ROBO1: variants seen among roughly 807,000 people sequenced by gnomAD.
ROBO1 encodes roundabout homolog 1.
ROBO1 carries 149 observed loss-of-function variants against 195.9 expected under a neutral mutation model. The ratio of observed to expected loss-of-function variants is 0.76; its 90% CI spans 0.67 to 0.87. The LOEUF is 0.87. Ranked by LOEUF, ROBO1 falls within the 40% of genes least tolerant of loss-of-function variation. The pLI, the probability that ROBO1 is intolerant of heterozygous loss-of-function variation, is 0.00. For synonymous variants in ROBO1, 816 were observed against 733.2 expected, an observed-to-expected ratio of 1.11 and a Z score of -1.82; for missense variants, 1,933 against 2,068.3, an observed-to-expected ratio of 0.93 and a Z score of 1.27.
At chr3:78,956,048 C>A (rs2041032704) in intron 3 of ROBO1, among the ~76,000 whole-genome samples, 1 of 152,110 alleles carries the variant, frequency 6.6e-6, no homozygotes, top group African/African-American at 2.4e-5. Flanking sequence ...AGCTTCTAAT[C>A]ATTTAGCACA....
At chr3:79,657,428 G>T (rs1946200416) in intron 1 of ROBO1, among the ~76,000 whole-genome samples, 1 of 151,976 alleles carries the variant, frequency 6.6e-6, no homozygotes, top group Admixed American at 6.6e-5. Context: ...ACTTTTTGAT[G>T]AATGTAAAAG....
intron 8 of ROBO1, 144 bp from the exon 9 acceptor site, chr3:78,688,916 A>C: frequency 7.7e-6 from 6 of 783,454 alleles, no homozygotes; most frequent in Non-Finnish European, 1.1e-5. Context: ...TCTTGTCCTT[A>C]ATTTGAAACT....
At chr3:78,924,973 TA>T (rs1477929925) in intron 4 of ROBO1, among the ~76,000 whole-genome samples, 1 of 151,982 alleles carries the variant, frequency 6.6e-6, no homozygotes, top group Non-Finnish European at 1.5e-5. Flanking sequence ...TTAAATCTAT[TA>T]TTTTTTTAAT....
chr3:79,483,615 C>A (rs1300985131), intron 2 of ROBO1, among the ~76,000 whole-genome samples: 1 of 152,152 alleles, frequency 6.6e-6, no homozygotes, highest in Non-Finnish European at 1.5e-5. Context: ...ACCTGTAAAT[C>A]ATGTTACTGT....
At chr3:79,210,950 C>G (rs530806081) in intron 2 of ROBO1, among the ~76,000 whole-genome samples, 11 of 152,088 alleles carry the variant, frequency 7.2e-5, no homozygotes, top group African/African-American at 2.4e-4. Flanking sequence ...AGCATAGTAT[C>G]TCTGGAATTA....
intron 3 of ROBO1, among the ~76,000 whole-genome samples, chr3:79,110,957 C>T (rs112229858): frequency 4.6e-5 from 7 of 152,184 alleles, no homozygotes; most frequent in African/African-American, 1.7e-4. Flanking sequence ...GAAAATGAGA[C>T]ATTGGCAGTG....
intron 2 of ROBO1, among the ~76,000 whole-genome samples, chr3:79,219,135 G>T (rs1437433691): frequency 1.3e-5 from 2 of 151,872 alleles, no homozygotes; most frequent in Non-Finnish European, 2.9e-5. Flanking sequence ...ATATTCATTT[G>T]AGATACTATA....
At chr3:79,486,577 A>G (rs9873314) in intron 2 of ROBO1, among the ~76,000 whole-genome samples, 46,667 of 152,078 alleles carry the variant, frequency 0.31, 7,404 homozygotes, top group Non-Finnish European at 0.35. Flanking sequence ...TGAACAAATT[A>G]ACAGCAGAAT....
At chr3:78,929,926 G>C (rs2039420093) in intron 4 of ROBO1, among the ~76,000 whole-genome samples, 1 of 152,104 alleles carries the variant, frequency 6.6e-6, no homozygotes, top group Non-Finnish European at 1.5e-5. Context: ...TAGAAAGACA[G>C]CTTTACATTT....
chr3:79,391,962 G>A (rs930558599), intron 2 of ROBO1, among the ~76,000 whole-genome samples: 1 of 152,140 alleles, frequency 6.6e-6, no homozygotes, highest in African/African-American at 2.4e-5. Flanking sequence ...TTTCGAATTG[G>A]TATGTCCAGA....
intron 3 of ROBO1, among the ~76,000 whole-genome samples, chr3:79,075,025 C>G (rs2079148912): frequency 6.6e-6 from 1 of 151,834 alleles, no homozygotes; most frequent in Non-Finnish European, 1.5e-5. Context: ...TATGGAATAA[C>G]TATCCACAGA....
intron 2 of ROBO1, among the ~76,000 whole-genome samples, chr3:79,328,100 C>G (rs1239456195): frequency 1.3e-5 from 2 of 151,976 alleles, no homozygotes; most frequent in African/African-American, 4.8e-5. Flanking sequence ...AGCTTTTAGG[C>G]AACACAAAAC....
chr3:79,551,367 C>T (rs925769592), intron 2 of ROBO1, among the ~76,000 whole-genome samples: 18 of 148,402 alleles, frequency 1.2e-4, no homozygotes, highest in African/African-American at 4.0e-4. Flanking sequence ...CACAAGGATA[C>T]ACTGTTAAAG....
chr3:79,066,976 T>A (rs1022707086), intron 3 of ROBO1, among the ~76,000 whole-genome samples: 1 of 151,910 alleles, frequency 6.6e-6, no homozygotes, highest in Non-Finnish European at 1.5e-5. Context: ...TCTTCATGAT[T>A]CCTTTAATAT....
intron 2 of ROBO1, among the ~76,000 whole-genome samples, chr3:79,505,489 G>A (rs573250826): frequency 2.6e-5 from 4 of 152,292 alleles, no homozygotes; most frequent in East Asian, 3.9e-4. Context: ...AGCTCAGCAG[G>A]CAGGATGAAC....
At chr3:78,736,929 C>CATCT (rs2082405797) in intron 5 of ROBO1, among the ~76,000 whole-genome samples, 1 of 152,160 alleles carries the variant, frequency 6.6e-6, no homozygotes, top group Non-Finnish European at 1.5e-5. Flanking sequence ...CAGTACTTTG[C>CATCT]ATCTGAATCA....
intron 3 of ROBO1, 144 bp from the exon 4 acceptor site, chr3:78,939,071 T>C (rs2039979655): frequency 5.6e-6 from 4 of 720,200 alleles, no homozygotes; most frequent in East Asian, 2.7e-5. Flanking sequence ...ACAATCTTTC[T>C]GGTGTCCGCC....
intron 1 of ROBO1, among the ~76,000 whole-genome samples, chr3:79,645,773 C>G (rs541826588): frequency 6.6e-6 from 1 of 152,156 alleles, no homozygotes; most frequent in South Asian, 2.1e-4. Flanking sequence ...TAGGCACAGA[C>G]AGACAGACCA....
chr3:79,640,272 T>C lies in ROBO1; in HGVS notation c.-50-50311A>G, dbSNP rs866411622. On this transcript the variant is annotated intron_variant, in intron 1 of 30. Coordinates refer to ENST00000464233, the MANE Select transcript of ROBO1 (RefSeq NM_002941.4). Reference sequence around the variant, plus strand: ...ATGACTCCATTTTTGAGTGTAATAATTATGACATTAGCTTAAAATATTAAA... The same window carrying C: ...ATGACTCCATTTTTGAGTGTAATAACTATGACATTAGCTTAAAATATTAAA... Among the ~76,000 whole-genome samples, 12 of 152,240 alleles carry C rather than the reference T, an allele frequency of 7.9e-5. No individual in the cohort carries two copies. The Middle Eastern group carries it at 0.017, about 216-fold the overall frequency.
Sources: allele counts gnomAD v4.1 joint callset (sites outside exome capture counted in the v4.1 genomes callset), GRCh38; gene constraint gnomAD v4.1.1; transcripts MANE v1.5; gene names NCBI Gene and HGNC (gene_info 2026-07-23, HGNC 2026-07-21).